EP400: variants seen among roughly 807,000 people sequenced by gnomAD.
The protein encoded by EP400 is E1A binding protein p400.
Under a neutral mutation model 354.1 loss-of-function variants are expected in EP400, and 105 were observed. That is an observed-to-expected ratio of 0.30 (90% CI 0.25 to 0.35). The LOEUF (loss-of-function observed/expected upper bound fraction) is 0.35. Among genes scored for constraint, EP400 ranks in the 10% least tolerant of loss-of-function variants. EP400 has a pLI of 1.00. For synonymous variants in EP400, 1,646 were observed against 1,716.9 expected, an observed-to-expected ratio of 0.96 and a Z score of 1.02; for missense variants, 3,280 against 4,121.0, an observed-to-expected ratio of 0.80 and a Z score of 5.59.
In EP400 at chr12:132,078,920, A is replaced by G. The variant is rs529280910; in HGVS notation, c.*1247A>G. The G allele has an allele frequency of 1.3e-5, 2 of 152,322 alleles. No homozygotes were observed. The highest frequency in any genetic ancestry group is 4.8e-5 in the African/African-American group (2 of 41,568). 9.4% of individuals were successfully genotyped at this position (152,322 alleles called of 1,614,324 possible). ...TGCAATTTTAGTGGAATTGATTGAC[A>G]GTGTCTCCTTACTTTGAAGTTTTCA... is the stretch of plus-strand genomic sequence containing the variant. On this transcript the variant is annotated 3_prime_UTR_variant, in exon 53 of 53. Coordinates refer to ENST00000389561, the MANE Select transcript of EP400 (RefSeq NM_015409.5).
chr12:132,069,419 C>A (rs1474265631), intron 50 of EP400, 76 bp from the exon 51 acceptor site: 1 of 1,566,594 alleles, frequency 6.4e-7, no homozygotes, highest in African/African-American at 1.3e-5. Flanking sequence ...GCCATAGGGC[C>A]CAGAGCGGGC....
intron 48 of EP400, 184 bp downstream of exon 48, chr12:132,065,070 G>C (rs1895845311): frequency 1.8e-6 from 2 of 1,123,996 alleles, no homozygotes; most frequent in African/African-American, 1.6e-5. Flanking sequence ...CATTAACACA[G>C]CAGCAGCTCC....
chr12:131,967,533 A>T (rs1035384174), intron 2 of EP400, among the ~76,000 whole-genome samples: 7 of 151,872 alleles, frequency 4.6e-5, no homozygotes, highest in Non-Finnish European at 1.0e-4. Context: ...ACTTAAAAAA[A>T]AAAAAAATTA....
chr12:131,956,142 A>G (rs1199444427), intron 1 of EP400, among the ~76,000 whole-genome samples: 1 of 152,088 alleles, frequency 6.6e-6, no homozygotes, highest in Non-Finnish European at 1.5e-5. Flanking sequence ...CCAGTGACCC[A>G]CGCAGCCCTC....
rs1448679516 is a variant in EP400 at position 132,067,218 on chromosome 12, T to C, written c.8750-144T>C. The C allele has an allele frequency of 7.8e-7, 1 of 1,278,664 alleles. No homozygotes were observed. Among genetic ancestry groups the C allele is most frequent in the Non-Finnish European group, 1.1e-6 (1 of 927,260 alleles). The allele number at this position is 1,278,664 out of a possible 1,614,324, so 79.2% of individuals were successfully genotyped here. A position where few individuals can be genotyped will look rare whatever the true frequency, so the allele number is the denominator to read the frequency against. Reference sequence around the variant, plus strand: ...ATTTGTGAACCCAGAAACATTTTAATGTAGTTAAGGGATGGCTTACTTGTC... The same window carrying C: ...ATTTGTGAACCCAGAAACATTTTAACGTAGTTAAGGGATGGCTTACTTGTC... On this transcript the variant is annotated intron_variant, in intron 49 of 52. Coordinates refer to ENST00000389561, the MANE Select transcript of EP400 (RefSeq NM_015409.5). This position sits in a 1 kb window ranked among gnomAD's most constrained non-coding sequence, Gnocchi z 5.3.
In EP400 at chr12:132,027,393, T is replaced by C. The variant is rs201285633; in HGVS notation, c.5015-44T>C. The C allele has an allele frequency of 2.0e-4, 319 of 1,599,224 alleles. 3 individuals are homozygous for C. In the African/African-American group the frequency reaches 4.0e-3, roughly 20 times the overall value. On this transcript the variant is annotated intron_variant, in intron 25 of 52. Transcript: ENST00000389561. The surrounding 1 kb of genome is among the most constrained non-coding windows in gnomAD (Gnocchi z 4.9). ...CATGCTGGTGTCAGATGAAATCCTGTGAACTTGGCGTTCCTTTTCACCTCT... is the reference window on the plus strand; with the variant it reads ...CATGCTGGTGTCAGATGAAATCCTGCGAACTTGGCGTTCCTTTTCACCTCT...
chr12:131,988,491 G>T (rs1273048975), intron 7 of EP400, among the ~76,000 whole-genome samples: 1 of 152,136 alleles, frequency 6.6e-6, no homozygotes, highest in Non-Finnish European at 1.5e-5. Context: ...GACAGCAAGG[G>T]GCTGTCCTAG....
intron 15 of EP400, among the ~76,000 whole-genome samples, chr12:132,008,993 A>G (rs1893676490): frequency 7.6e-6 from 1 of 132,310 alleles, no homozygotes; most frequent in Admixed American, 7.8e-5. Flanking sequence ...GGCTCACTAC[A>G]GCCCTGACTT....
intron 13 of EP400, among the ~76,000 whole-genome samples, chr12:132,005,620 G>A (rs566149596): frequency 2.3e-4 from 35 of 152,282 alleles, no homozygotes; most frequent in African/African-American, 7.9e-4. Context: ...ACCTGCATGC[G>A]AGTTGGGGAG....
intron 1 of EP400, among the ~76,000 whole-genome samples, chr12:131,955,688 A>G (rs1338892094): frequency 6.6e-6 from 1 of 151,948 alleles, no homozygotes. Flanking sequence ...TCTGTTGCCC[A>G]GGCTGGAGTG....
chr12:131,958,689 T>C (rs189636657), intron 1 of EP400, among the ~76,000 whole-genome samples: 230 of 152,150 alleles, frequency 1.5e-3, no homozygotes, highest in Non-Finnish European at 6.5e-4. Flanking sequence ...TGGCTAATTT[T>C]TGTATTTTTC....
intron 16 of EP400, 34 bp downstream of exon 16, chr12:132,011,668 CAGAA>C (rs1893770883): frequency 6.4e-7 from 1 of 1,566,976 alleles, no homozygotes; most frequent in Non-Finnish European, 8.6e-7. Context: ...TAAAGCTAAA[CAGAA>C]AGCCATGTTA....
Position 132,044,830 on chromosome 12 carries a change from G to C in EP400, c.6661G>C (p.Asp2221His). 1 of 1,614,104 alleles carries C rather than the reference G, an allele frequency of 6.2e-7. No individual in the cohort carries two copies. The highest frequency in any genetic ancestry group is 8.5e-7 in the Non-Finnish European group (1 of 1,180,008). ...GACCCCACCCACCCCGCCGCAGGAC[G>C]ACAGCGACATCTACCTCGACTCGGT... ...LWTPPTPPQD[D>H]SDIYLDSVMC... Residue 2221 changes from aspartate to histidine, a missense_variant, in exon 37 of 53, where the codon GAC becomes CAC. Asp to His is a moderately conservative substitution (Grantham distance 81). Around this residue, in one of 20 missense-constraint regions of EP400, gnomAD observed 231 missense variants for 257.9 expected, o/e 0.90. Coordinates refer to ENST00000389561, the MANE Select transcript of EP400 (RefSeq NM_015409.5).
chr12:132,041,956 CTT>C (rs60120894), intron 32 of EP400, among the ~76,000 whole-genome samples: 9 of 132,938 alleles, frequency 6.8e-5, no homozygotes, highest in Non-Finnish European at 8.1e-5. Context: ...TTTTCTTTTT[CTT>C]TTTTTTTTTT....
At position 132,013,362 on chromosome 12, in the gene EP400, G is replaced by A; in HGVS notation, c.3612-128G>A. 1 of 1,400,158 alleles carries A rather than the reference G, an allele frequency of 7.1e-7. No homozygotes were observed. Among genetic ancestry groups the A allele is most frequent in the South Asian group, 1.4e-5 (1 of 71,186 alleles). The allele number at this position is 1,400,158 out of a possible 1,614,324, so 86.7% of individuals were successfully genotyped here. A position where few individuals can be genotyped will look rare whatever the true frequency, so the allele number is the denominator to read the frequency against. The stretch of plus-strand genomic sequence containing the variant: ...TGGGTCAGTGCAGCCCCCCTTTTCA[G>A]GCATGTGCACGTTGACATTTGCGGT... On this transcript the variant is annotated intron_variant, in intron 17 of 52. Coordinates refer to ENST00000389561, the MANE Select transcript of EP400 (RefSeq NM_015409.5). This position sits in a 1 kb window ranked among gnomAD's most constrained non-coding sequence, Gnocchi z 4.5.
Position 132,017,696 on chromosome 12 carries a change from A to T in EP400, c.4085A>T (p.Lys1362Met). 1 of 1,532,060 alleles carries T rather than the reference A, an allele frequency of 6.5e-7. No homozygotes were observed. The highest frequency in any genetic ancestry group is 8.8e-7 in the Non-Finnish European group (1 of 1,140,686). The allele number at this position is 1,532,060 out of a possible 1,614,324, so 94.9% of individuals were successfully genotyped here. A position where few individuals can be genotyped will look rare whatever the true frequency, so the allele number is the denominator to read the frequency against. The change falls in exon 20 of 53, where the codon AAG becomes ATG. Residue 1362 changes from lysine to methionine, a missense_variant. Lys to Met is a moderately conservative substitution (Grantham distance 95). Around this residue, in one of 20 missense-constraint regions of EP400, gnomAD observed 342 missense variants for 342.7 expected, o/e 1.00. Coordinates refer to ENST00000389561, the MANE Select transcript of EP400 (RefSeq NM_015409.5). The surrounding 1 kb of genome is among the most constrained non-coding windows in gnomAD (Gnocchi z 5.0). ...LEYPSASLIL[K>M]ALERDFWKEA... ...TATCCGTCCGCATCTCTAATCCTGA[A>T]GGCACTGGAGAGAGATTTCTGGAAG... is the stretch of plus-strand genomic sequence containing the variant.
At chr12:132,064,504 G>T (rs1330910264) in intron 47 of EP400, among the ~76,000 whole-genome samples, 164 bp from the exon 48 acceptor site, 1 of 152,210 alleles carries the variant, frequency 6.6e-6, no homozygotes, top group Admixed American at 6.5e-5. Context: ...TGAACACCTG[G>T]AAGATACTGG....
At chr12:132,042,014 T>G (rs1484666950) in intron 32 of EP400, among the ~76,000 whole-genome samples, 2 of 151,028 alleles carry the variant, frequency 1.3e-5, no homozygotes, top group African/African-American at 2.4e-5. Context: ...TGCAGTGGTG[T>G]GATCTCAGCT....
In EP400 at chr12:132,005,143, C is replaced by T; in HGVS notation, c.2894C>T (p.Pro965Leu). The T allele has an allele frequency of 6.3e-7, 1 of 1,586,568 alleles. No individual in the cohort carries two copies. The change falls in exon 13 of 53, where the codon CCC becomes CTC. Residue 965 changes from proline to leucine, a missense_variant. This residue lies in a region of EP400 where 800 missense variants were observed against 840.0 expected (regional missense o/e 0.95). Coordinates refer to ENST00000389561, the MANE Select transcript of EP400 (RefSeq NM_015409.5). ...EGAFLPSSQW[P>L]RPKPDGEDTS... is the part of the protein sequence containing the mutation. ...GCCTTCCTGCCGAGTTCTCAGTGGC[C>T]CCGGCCGAAGCCTGATGGGGAGGAC...
Sources: allele counts gnomAD v4.1 joint callset (sites outside exome capture counted in the v4.1 genomes callset), GRCh38; gene constraint gnomAD v4.1.1; regional missense constraint gnomAD v4.1.1; non-coding constraint Gnocchi (gnomAD v3.1); transcripts MANE v1.5; gene names NCBI Gene and HGNC (gene_info 2026-07-23, HGNC 2026-07-21).